Variants in ASCC3 observed in about 807,000 individuals in gnomAD.
ASCC3 encodes activating signal cointegrator 1 complex subunit 3.
ASCC3 carries 158 observed loss-of-function variants against 256.3 expected under a neutral mutation model. The observed-to-expected ratio is 0.62, with a 90% CI of 0.54 to 0.70. ASCC3 has a LOEUF of 0.70. ASCC3 is among the 30% of genes least tolerant of loss of function. ASCC3 has a pLI of 0.00. For missense variants in ASCC3, 2,259 were observed against 2,626.0 expected (o/e 0.86, Z 3.05); for synonymous variants, 948 against 883.4 (o/e 1.07, Z -1.30).
At position 100,718,088 on chromosome 6, in the gene ASCC3, T is replaced by G; in HGVS notation, c.2066A>C (p.Lys689Thr). Residue 689 changes from lysine to threonine, a missense_variant, in exon 12 of 42, where the codon AAA becomes ACA. Lys to Thr is a moderately conservative substitution (Grantham distance 78). Around this residue, in one of 2 missense-constraint regions of ASCC3, gnomAD observed 1,839 missense variants for 2,206.7 expected, o/e 0.83. Transcript: ENST00000369162. ...ATGAGTATTTACCTTATTTGCACAT[T>G]TAATCCCCAAAAATGTCTGTCCAAG... The part of the protein sequence containing the change: ...VPLGQTFLGI[K>T]CANKMQQLNN... The G allele has an allele frequency of 6.2e-7, 1 of 1,613,374 alleles. No individual in the cohort carries two copies. The highest frequency in any genetic ancestry group is 8.5e-7 in the Non-Finnish European group (1 of 1,179,596).
chr6:100,658,030 G>A lies in ASCC3; in HGVS notation c.2704-2212C>T, dbSNP rs888504963. Reference sequence around the variant, plus strand: ...AGTAAGTCAGTAACAAGCCTGTGCTGAGTAAAGCACAATGGATATGGTAAC... The same window carrying A: ...AGTAAGTCAGTAACAAGCCTGTGCTAAGTAAAGCACAATGGATATGGTAAC... On this transcript the variant is annotated intron_variant, in intron 16 of 41. Coordinates refer to ENST00000369162, the MANE Select transcript of ASCC3 (RefSeq NM_006828.4). Among the ~76,000 whole-genome samples the A allele has an allele frequency of 3.3e-5, 5 of 151,498 alleles. No individual in the cohort carries two copies. In the East Asian group the frequency reaches 9.6e-4, roughly 29 times the overall value.
At chr6:100,721,388 G>A (rs962799014) in intron 11 of ASCC3, among the ~76,000 whole-genome samples, 1 of 151,674 alleles carries the variant, frequency 6.6e-6, no homozygotes, top group African/African-American at 2.4e-5. Flanking sequence ...TAAGTATCAG[G>A]ACATAAAATC....
intron 10 of ASCC3, among the ~76,000 whole-genome samples, chr6:100,746,242 A>G (rs1034717305): frequency 2.7e-5 from 4 of 150,938 alleles, no homozygotes; most frequent in Non-Finnish European, 5.9e-5. Context: ...CCGGTGATCT[A>G]CTCCATAGAC....
At chr6:100,799,345 G>A (rs1020900070) in intron 7 of ASCC3, 86 bp downstream of exon 7, 13 of 1,457,620 alleles carry the variant, frequency 8.9e-6, no homozygotes, top group Non-Finnish European at 1.1e-5. Context: ...ACTAGTGTTA[G>A]ACTCACGAAG....
At chr6:100,793,638 T>G (rs1382776832) in intron 8 of ASCC3, among the ~76,000 whole-genome samples, 2 of 152,070 alleles carry the variant, frequency 1.3e-5, no homozygotes, top group African/African-American at 2.4e-5. Flanking sequence ...ACAAATTAAA[T>G]GGAGCAAAAA....
chr6:100,592,511 GAC>G (rs1457006868), intron 34 of ASCC3, among the ~76,000 whole-genome samples: 8 of 151,902 alleles, frequency 5.3e-5, no homozygotes, highest in Non-Finnish European at 1.0e-4. Context: ...CAATTTGTGA[GAC>G]ACTATAAAAT....
intron 34 of ASCC3, among the ~76,000 whole-genome samples, chr6:100,595,952 T>C (rs889113760): frequency 3.3e-5 from 5 of 152,194 alleles, no homozygotes; most frequent in Admixed American, 1.3e-4. Context: ...TAAAGATAAA[T>C]GCTTATTTTA....
intron 10 of ASCC3, among the ~76,000 whole-genome samples, chr6:100,756,313 T>C (rs1313500729): frequency 1.3e-5 from 2 of 152,096 alleles, no homozygotes; most frequent in East Asian, 3.8e-4. Flanking sequence ...TTTTCTTCCT[T>C]AGAGGTAATG....
At chr6:100,875,715 AAAAG>A (rs10585111) in intron 1 of ASCC3, among the ~76,000 whole-genome samples, 17,037 of 152,062 alleles carry the variant, frequency 0.11, 1,610 homozygotes, top group East Asian at 0.31. Flanking sequence ...ATGACAACAG[AAAAG>A]AAAGTTTCAA....
chr6:100,694,506 C>G (rs1044322641), intron 13 of ASCC3, among the ~76,000 whole-genome samples: 3 of 151,992 alleles, frequency 2.0e-5, no homozygotes, highest in Non-Finnish European at 2.9e-5. Context: ...AAAGATAAAA[C>G]AGTTTCATTG....
chr6:100,626,564 T>C lies in ASCC3; in HGVS notation c.4642+1026A>G, dbSNP rs563582138. On this transcript the variant is annotated intron_variant, in intron 29 of 41. Transcript: ENST00000369162. ...TACTATTGATTTATATAAGACAAAA[T>C]ACTTCCTTTCCATCAATGGTATGCA... Among the ~76,000 whole-genome samples, 43 of 152,198 alleles carry C rather than the reference T, an allele frequency of 2.8e-4. 1 individual carries two copies. Among genetic ancestry groups the C allele is most frequent in the Admixed American group, 2.8e-3 (43 of 15,242 alleles).
chr6:100,725,201 A>G, intron 11 of ASCC3, among the ~76,000 whole-genome samples: 1 of 152,002 alleles, frequency 6.6e-6, no homozygotes, highest in African/African-American at 2.4e-5. Flanking sequence ...GTGTTCATCT[A>G]TTTTCTATAT....
chr6:100,830,522 T>A lies in ASCC3; in HGVS notation c.801+17626A>T, dbSNP rs9498402. Among the ~76,000 whole-genome samples the A allele has an allele frequency of 4.9e-3, 742 of 152,342 alleles. 9 individuals are homozygous for A. Among genetic ancestry groups the A allele is most frequent in the African/African-American group, 0.017 (718 of 41,584 alleles). On this transcript the variant is annotated intron_variant, in intron 4 of 41. Transcript: ENST00000369162. ...TAAAAGAAAAATCACAGCATTTCTA[T>A]GTGTAGGTACCACCTGTACCTCTTT... is the stretch of plus-strand genomic sequence containing the variant.
At chr6:100,675,551 T>C (rs1221182442) in intron 14 of ASCC3, among the ~76,000 whole-genome samples, 6 of 152,148 alleles carry the variant, frequency 3.9e-5, no homozygotes, top group African/African-American at 1.4e-4. Context: ...GCTGAACTTA[T>C]AAAAACAAGG....
At chr6:100,706,987 G>A (rs180728185) in intron 13 of ASCC3, among the ~76,000 whole-genome samples, 1 of 152,168 alleles carries the variant, frequency 6.6e-6, no homozygotes, top group African/African-American at 2.4e-5. Context: ...TGTAATACTA[G>A]CAACACTAGA....
intron 24 of ASCC3, among the ~76,000 whole-genome samples, chr6:100,640,617 A>G (rs1001552520): frequency 1.3e-5 from 2 of 152,176 alleles, no homozygotes; most frequent in Admixed American, 6.5e-5. Context: ...AACATTTTTT[A>G]TATATTTTAT....
chr6:100,588,133 G>A (rs1771800291), intron 36 of ASCC3, among the ~76,000 whole-genome samples: 1 of 152,224 alleles, frequency 6.6e-6, no homozygotes, highest in East Asian at 1.9e-4. Context: ...GGACAAGATG[G>A]TTAATCTTTA....
chr6:100,565,696 G>A (rs1475086692), intron 36 of ASCC3, among the ~76,000 whole-genome samples: 1 of 152,136 alleles, frequency 6.6e-6, no homozygotes, highest in Non-Finnish European at 1.5e-5. Context: ...AAGGGAACAA[G>A]GGAGTAGGGC....
At chr6:100,637,551 A>T (rs773622319) in intron 25 of ASCC3, among the ~76,000 whole-genome samples, 5 of 152,104 alleles carry the variant, frequency 3.3e-5, no homozygotes, top group African/African-American at 4.8e-5. Flanking sequence ...GTTTCATAAG[A>T]CCGTAGATAG....
Sources: gnomAD v4.1 joint callset for allele counts (sites outside exome capture counted in the v4.1 genomes callset) on GRCh38, gnomAD v4.1.1 for gene constraint, gnomAD v4.1.1 regional missense constraint, MANE v1.5 for transcripts, NCBI Gene and HGNC (gene_info 2026-07-23, HGNC 2026-07-21) for gene names.